Variants in PROM2 observed in about 807,000 individuals in gnomAD.
The protein encoded by PROM2 is prominin-2.
In PROM2, 90 loss-of-function variants were observed where a neutral mutation model predicts 110.2. The ratio of observed to expected loss-of-function variants is 0.82; its 90% confidence interval spans 0.69 to 0.97. The LOEUF is 0.97. Ranked by LOEUF, PROM2 falls within the 50% of genes least tolerant of loss-of-function variation. PROM2 has a pLI of 0.00. For missense variants in PROM2, 1,009 were observed against 1,074.8 expected (o/e 0.94, Z 0.86); for synonymous variants, 470 against 467.8 (o/e 1.00, Z -0.06).
At chr2:95,286,442 C>T (rs761565906) in intron 16 of PROM2, 37 bp from the exon 17 acceptor site, 6 of 1,586,206 alleles carry the variant, frequency 3.8e-6, no homozygotes, top group Non-Finnish European at 5.2e-6. Flanking sequence ...GTAGATGGGT[C>T]CTGGGCGGGG....
intron 10 of PROM2, among the ~76,000 whole-genome samples, chr2:95,279,481 G>A (rs1049118332): frequency 6.6e-6 from 1 of 152,040 alleles, no homozygotes; most frequent in African/African-American, 2.4e-5. Context: ...ATTTTTAGTA[G>A]AGACAGGGTT....
chr2:95,276,102 T>C lies in PROM2; in HGVS notation c.467T>C (p.Val156Ala), dbSNP rs1198269642. The C allele has an allele frequency of 6.2e-7, 1 of 1,611,476 alleles. No individual in the cohort carries two copies. The highest frequency in any genetic ancestry group is 8.5e-7 in the Non-Finnish European group (1 of 1,179,736). Reference sequence around the variant, plus strand: ...GCCTGTGAGCGCGCGGCCCTCATGGTCTTCCTGCTGCTGACCACCCTCTTG... The same window carrying C: ...GCCTGTGAGCGCGCGGCCCTCATGGCCTTCCTGCTGCTGACCACCCTCTTG... ...ALACERAALM[V>A]FLLLTTLLLL... The change falls in exon 3 of 24, where the codon GTC becomes GCC. Residue 156 changes from valine (V) to alanine (A), a missense_variant. Coordinates refer to ENST00000317620, the MANE Select transcript of PROM2 (RefSeq NM_001165978.3). This position sits in a 1 kb window ranked among gnomAD's most constrained non-coding sequence, Gnocchi z 4.6.
Position 95,276,242 on chromosome 2 carries a change from T to C in PROM2, c.513T>C (p.Cys171=). The C allele has an allele frequency of 6.2e-7, 1 of 1,613,998 alleles. No homozygotes were observed. Among genetic ancestry groups the C allele is most frequent in the South Asian group, 1.1e-5 (1 of 91,084 alleles). ...ATTCCCACAGGATTGGTGTGGTCTGTGCCTTTGTCACCAACCAGCGCACGC... is the reference window on the plus strand; with the variant it reads ...ATTCCCACAGGATTGGTGTGGTCTGCGCCTTTGTCACCAACCAGCGCACGC... ...TTLLLLIGVV[C]AFVTNQRTHE... Residue 171 remains cysteine, a synonymous_variant, in exon 4 of 24, where the codon TGT becomes TGC. Transcript: ENST00000317620. The surrounding 1 kb of genome is among the most constrained non-coding windows in gnomAD (Gnocchi z 4.6).
chr2:95,276,915 G>T lies in PROM2; in HGVS notation c.683-57G>T. On this transcript the variant is annotated intron_variant, in intron 5 of 23. Coordinates refer to ENST00000317620, the MANE Select transcript of PROM2 (RefSeq NM_001165978.3). This position sits in a 1 kb window ranked among gnomAD's most constrained non-coding sequence, Gnocchi z 4.6. ...GGGCCTGGGGAGGCAGGATGGGAATGGGGAGGGCCCCTCCACTCTTGGGGT... is the reference window on the plus strand; with the variant it reads ...GGGCCTGGGGAGGCAGGATGGGAATTGGGAGGGCCCCTCCACTCTTGGGGT... 1.3e-6 allele frequency: 2 copies of T among 1,514,076 alleles called. No individual in the cohort carries two copies. Among genetic ancestry groups the T allele is most frequent in the Non-Finnish European group, 1.8e-6 (2 of 1,113,860 alleles). The allele number at this position is 1,514,076 out of a possible 1,614,324, so 93.8% of individuals were successfully genotyped here. A position where few individuals can be genotyped will look rare whatever the true frequency, so the allele number is the denominator to read the frequency against.
chr2:95,287,417 C>T lies in PROM2; in HGVS notation c.2197C>T (p.Arg733Trp), dbSNP rs763160335. 2.7e-5 allele frequency: 44 copies of T among 1,613,928 alleles called. No individual in the cohort carries two copies. The highest frequency in any genetic ancestry group is 1.7e-4 in the Middle Eastern group (1 of 6,060). Residue 733 changes from arginine to tryptophan, a missense_variant, in exon 20 of 24, where the codon CGG becomes TGG. Coordinates refer to ENST00000317620, the MANE Select transcript of PROM2 (RefSeq NM_001165978.3). ...LRNVSECFLA[R>W]EMGYFSQYVA... Reference sequence around the variant, plus strand: ...GCAGGTGAGTGAGTGTTTCCTGGCCCGGGAGATGGGCTACTTCTCCCAGTA... The same window carrying T: ...GCAGGTGAGTGAGTGTTTCCTGGCCTGGGAGATGGGCTACTTCTCCCAGTA...
Position 95,276,507 on chromosome 2 carries a change from T to C in PROM2, c.619-87T>C. 15 of 1,603,168 alleles carry C rather than the reference T, an allele frequency of 9.4e-6. No individual in the cohort carries two copies. The highest frequency in any genetic ancestry group is 2.2e-5 in the East Asian group (1 of 44,712). ...TCGACCACCCTCAGGGTGGATGCCA[T>C]AGGGGCAGGGAAGGGGCCAGGGAGA... is the stretch of plus-strand genomic sequence containing the variant. On this transcript the variant is annotated intron_variant, in intron 4 of 23. Transcript: ENST00000317620. The surrounding 1 kb of genome is among the most constrained non-coding windows in gnomAD (Gnocchi z 4.6).
At chr2:95,284,875 C>T (rs983561164) in intron 14 of PROM2, 94 bp from the exon 15 acceptor site, 1 of 1,360,590 alleles carries the variant, frequency 7.3e-7, no homozygotes, top group African/African-American at 1.5e-5. Flanking sequence ...ATATCCAAAC[C>T]ATATCGCCTG....
At chr2:95,277,894 A>G (rs1447341629) in intron 7 of PROM2, 36 bp from the exon 8 acceptor site, 2 of 1,589,124 alleles carry the variant, frequency 1.3e-6, no homozygotes, top group Admixed American at 1.7e-5. Context: ...AGGCCTCTCC[A>G]TGAACTTTGT....
Position 95,279,031 on chromosome 2 carries a change from G to A in PROM2, c.1161G>A (p.Leu387=), listed in dbSNP as rs766340318. Residue 387 remains leucine, a synonymous_variant, in exon 10 of 24, where the codon CTG becomes CTA. Transcript: ENST00000317620. ...AGCAGCCGGAAGGGGTGAGGACACT[G>A]GCTGAAGGGTTCCCGGGCTTGGAGG... is the stretch of plus-strand genomic sequence containing the variant. ...VAQQPEGVRT[L]AEGFPGLEAA... 5.0e-6 allele frequency: 8 copies of A among 1,612,864 alleles called. No individual in the cohort carries two copies. The East Asian group carries it at 1.8e-4, about 36-fold the overall frequency.
At chr2:95,289,170 A>C (rs1677557981) in intron 23 of PROM2, 54 bp from the exon 24 acceptor site, 1 of 626,718 alleles carries the variant, frequency 1.6e-6, no homozygotes, top group African/African-American at 1.8e-5. Flanking sequence ...TGGGGCTGAC[A>C]GCCCTGTTCT....
chr2:95,288,870 C>T, intron 22 of PROM2, 63 bp from the exon 23 acceptor site: 3 of 1,516,140 alleles, frequency 2.0e-6, no homozygotes, highest in East Asian at 2.3e-5. Context: ...TGGGTTTGTC[C>T]CTGTGTCAGG....
intron 15 of PROM2, among the ~76,000 whole-genome samples, chr2:95,285,378 C>G (rs563774069): frequency 2.2e-4 from 34 of 152,212 alleles, no homozygotes; most frequent in Non-Finnish European, 4.3e-4. Context: ...CCACTGCTGC[C>G]GAGGACGCAT....
rs779313054 is a variant in PROM2, at chr2:95,288,570, C to G, written c.2422C>G (p.Pro808Ala). Residue 808 changes from proline (P) to alanine (A), a missense_variant, in exon 22 of 24, where the codon CCT becomes GCT. Transcript: ENST00000317620. ...CGTCAAGACCTCCAAATACTTCCGTCCTATCCGGAAACGCCTCAGGTGAGG... is the reference window on the plus strand; with the variant it reads ...CGTCAAGACCTCCAAATACTTCCGTGCTATCCGGAAACGCCTCAGGTGAGG... ...FAVKTSKYFR[P>A]IRKRLSSTSS... 4 of 1,614,106 alleles carry G rather than the reference C, an allele frequency of 2.5e-6. No individual in the cohort carries two copies. Among genetic ancestry groups the G allele is most frequent in the Non-Finnish European group, 3.4e-6 (4 of 1,179,962 alleles).
rs778430740 is a variant in PROM2, at chr2:95,275,975, G to T, written c.340G>T (p.Gly114Cys). 19 of 1,612,200 alleles carry T rather than the reference G, an allele frequency of 1.2e-5. No homozygotes were observed. The Admixed American group carries it at 1.5e-4, about 13-fold the overall frequency. Residue 114 changes from glycine (G) to cysteine (C), a missense_variant, in exon 3 of 24, where the codon GGC becomes TGC. Physicochemically the swap from Gly to Cys is radical, Grantham distance 159 (BLOSUM62 -3). Transcript: ENST00000317620. This position sits in a 1 kb window ranked among gnomAD's most constrained non-coding sequence, Gnocchi z 4.4. ...CTACGTGGTATGCGCTGTGATCGCG[G>T]GCCTCTACCTGCTGCTGGTGCCCAC... ...AGYVVCAVIA[G>C]LYLLLVPTAG... is the part of the protein sequence containing the mutation.
intron 20 of PROM2, 67 bp downstream of exon 20, chr2:95,287,531 G>GCCCCGC: frequency 6.5e-7 from 1 of 1,541,258 alleles, no homozygotes; most frequent in Non-Finnish European, 8.9e-7. Context: ...ACCCTGCTCT[G>GCCCCGC]CCCCGCCCCC....
At position 95,279,076 on chromosome 2, in the gene PROM2, G is replaced by C. The variant is rs749622220; in HGVS notation, c.1206G>C (p.Gln402His). Residue 402 changes from glutamine to histidine, a missense_variant, in exon 10 of 24, where the codon CAG becomes CAC. Coordinates refer to ENST00000317620, the MANE Select transcript of PROM2 (RefSeq NM_001165978.3). ...TGGAGGCAGCTTCCCGCTGGGCCCAGGCACTGCAGGAGGTGGAGGAGAGCA... is the reference window on the plus strand; with the variant it reads ...TGGAGGCAGCTTCCCGCTGGGCCCACGCACTGCAGGAGGTGGAGGAGAGCA... ...PGLEAASRWA[Q>H]ALQEVEESSR... The C allele has an allele frequency of 6.2e-7, 1 of 1,611,784 alleles. No individual in the cohort carries two copies. The highest frequency in any genetic ancestry group is 8.5e-7 in the Non-Finnish European group (1 of 1,179,278).
Position 95,276,668 on chromosome 2 carries a change from C to T in PROM2, c.682+11C>T, listed in dbSNP as rs377430505. On this transcript the variant is annotated intron_variant, in intron 5 of 23. Coordinates refer to ENST00000317620, the MANE Select transcript of PROM2 (RefSeq NM_001165978.3). The surrounding 1 kb of genome is among the most constrained non-coding windows in gnomAD (Gnocchi z 4.6). ...CAGAGGAGCTGGATGGTGAGGGTCTCGGGGACTGGCAGGTGGGCTGGCTCC... is the reference window on the plus strand; with the variant it reads ...CAGAGGAGCTGGATGGTGAGGGTCTTGGGGACTGGCAGGTGGGCTGGCTCC... 208 of 1,612,454 alleles carry T rather than the reference C, an allele frequency of 1.3e-4. 1 individual carries two copies. The highest frequency in any genetic ancestry group is 1.6e-4 in the Non-Finnish European group (190 of 1,179,946).
rs747681321 is a variant in PROM2, at chr2:95,276,042, G to A, written c.407G>A (p.Cys136Tyr). Reference protein sequence around the residue: ...CFCCCRCHRRCGGRVKTEHKA... With the variant: ...CFCCCRCHRRYGGRVKTEHKA... ...TGCTGCTGCCGCTGCCACCGGCGCT[G>A]CGGGGGACGAGTGAAGACAGAGCAC... is the stretch of plus-strand genomic sequence containing the variant. Residue 136 changes from cysteine to tyrosine, a missense_variant, in exon 3 of 24, where the codon TGC becomes TAC. Transcript: ENST00000317620. The surrounding 1 kb of genome is among the most constrained non-coding windows in gnomAD (Gnocchi z 4.6). 1.2e-6 allele frequency: 2 copies of A among 1,611,452 alleles called. No individual in the cohort carries two copies. Among genetic ancestry groups the A allele is most frequent in the Non-Finnish European group, 1.7e-6 (2 of 1,179,906 alleles).
At chr2:95,277,300 C>G in intron 6 of PROM2, 64 bp from the exon 7 acceptor site, 1 of 1,514,296 alleles carries the variant, frequency 6.6e-7, no homozygotes, top group Non-Finnish European at 8.9e-7. Context: ...GGAGTTCTGC[C>G]TCCTGCAAGG....
Sources: gnomAD v4.1 joint callset for allele counts (sites outside exome capture counted in the v4.1 genomes callset) on GRCh38, gnomAD v4.1.1 for gene constraint, Gnocchi (gnomAD v3.1) non-coding constraint, MANE v1.5 for transcripts, NCBI Gene and HGNC (gene_info 2026-07-23, HGNC 2026-07-21) for gene names.